NCKAP5: variants seen among roughly 807,000 people sequenced by gnomAD.
NCKAP5 encodes the protein NCK associated protein 5.
NCKAP5 carries 92 observed loss-of-function variants against 167.0 expected under a neutral mutation model. The ratio of observed to expected loss-of-function variants is 0.55; its 90% confidence interval spans 0.47 to 0.66. The LOEUF (loss-of-function observed/expected upper bound fraction) is 0.66, where lower values mean the gene tolerates loss of function less well. Among genes scored for constraint, NCKAP5 ranks in the 30% least tolerant of loss-of-function variants. The probability of loss-of-function intolerance (pLI) is 0.00; values close to 1 mark genes in which losing one functional copy is unlikely to be tolerated. For missense variants in NCKAP5, 2,378 were observed against 2,315.0 expected, an observed-to-expected ratio of 1.03 and a Z score of -0.56; for synonymous variants, 891 against 877.4, an observed-to-expected ratio of 1.02 and a Z score of -0.27.
intron 6 of NCKAP5, among the ~76,000 whole-genome samples, chr2:133,077,619 T>A (rs531267451): frequency 1.3e-5 from 2 of 152,310 alleles, no homozygotes; most frequent in African/African-American, 4.8e-5. Flanking sequence ...TTTCTCGTAA[T>A]GTAATTGTAT....
chr2:133,365,568 A>T (rs1255005592), intron 3 of NCKAP5, among the ~76,000 whole-genome samples: 7 of 152,066 alleles, frequency 4.6e-5, no homozygotes, highest in Non-Finnish European at 1.0e-4. Context: ...AAACATATTG[A>T]TTCTATATTA....
At chr2:132,895,673 A>G (rs1205733060) in intron 8 of NCKAP5, among the ~76,000 whole-genome samples, 2 of 152,116 alleles carry the variant, frequency 1.3e-5, no homozygotes, top group African/African-American at 2.4e-5. Flanking sequence ...TTAGCCCTCA[A>G]CAAACTTTAT....
intron 3 of NCKAP5, among the ~76,000 whole-genome samples, chr2:133,328,912 G>T (rs2150711421): frequency 6.6e-6 from 1 of 151,940 alleles, no homozygotes; most frequent in East Asian, 1.9e-4. Flanking sequence ...TTTGCCCTAG[G>T]GTGTCCATAA....
At chr2:132,921,795 C>T (rs564073432) in intron 8 of NCKAP5, among the ~76,000 whole-genome samples, 11 of 152,296 alleles carry the variant, frequency 7.2e-5, no homozygotes, top group African/African-American at 2.4e-4. Context: ...TTGGAGCTGA[C>T]TCCAATACAG....
the NCKAP5 span, among the ~76,000 whole-genome samples, chr2:133,624,273 AT>A: frequency 2.1e-3 from 321 of 151,444 alleles, 1 homozygote; most frequent in South Asian, 2.5e-3. Flanking sequence ...TATTGAAAAC[AT>A]TTTTTTTTAA....
chr2:133,192,077 G>C (rs2085250565), intron 5 of NCKAP5, among the ~76,000 whole-genome samples: 1 of 152,022 alleles, frequency 6.6e-6, no homozygotes, highest in African/African-American at 2.4e-5. Context: ...TCATGACTGT[G>C]TGTTATCAGT....
intron 8 of NCKAP5, among the ~76,000 whole-genome samples, chr2:132,895,346 C>CAAAAAA (rs563409400): frequency 4.2e-5 from 3 of 71,856 alleles, no homozygotes; most frequent in African/African-American, 3.8e-5. Context: ...GACTCTGTCT[C>CAAAAAA]AAAAAAAAAA....
At chr2:133,500,119 G>T (rs1340784394) in intron 3 of NCKAP5, among the ~76,000 whole-genome samples, 1 of 152,104 alleles carries the variant, frequency 6.6e-6, no homozygotes, top group Admixed American at 6.5e-5. Flanking sequence ...TTTTAAGAAC[G>T]TGGATGTCTG....
intron 16 of NCKAP5, among the ~76,000 whole-genome samples, chr2:132,770,828 T>C (rs1681979364): frequency 6.6e-6 from 1 of 152,192 alleles, no homozygotes; most frequent in African/African-American, 2.4e-5. Flanking sequence ...CCCTTAAGAT[T>C]ATAATGAAGC....
intron 3 of NCKAP5, among the ~76,000 whole-genome samples, chr2:133,325,665 A>G (rs1231112273): frequency 6.6e-6 from 1 of 152,156 alleles, no homozygotes; most frequent in African/African-American, 2.4e-5. Flanking sequence ...AGCTCTGTGC[A>G]CTCTATCTGC....
upstream of NCKAP5, among the ~76,000 whole-genome samples, chr2:133,570,225 G>A (rs1462022727): frequency 6.6e-6 from 1 of 152,096 alleles, no homozygotes; most frequent in Non-Finnish European, 1.5e-5. Flanking sequence ...TTACCCTCGG[G>A]AAAAAAGGTG....
chr2:133,396,977 G>A (rs1486712187), intron 3 of NCKAP5, among the ~76,000 whole-genome samples: 1 of 152,174 alleles, frequency 6.6e-6, no homozygotes, highest in African/African-American at 2.4e-5. Flanking sequence ...GCAGAATGGT[G>A]TGAAGACTAA....
At chr2:133,627,135 A>G in the NCKAP5 span, among the ~76,000 whole-genome samples, 1 of 152,078 alleles carries the variant, frequency 6.6e-6, no homozygotes, top group Admixed American at 6.5e-5. Flanking sequence ...TAAAAACAAA[A>G]AGCTAGGAAA....
At chr2:132,904,015 G>T (rs567309178) in intron 8 of NCKAP5, among the ~76,000 whole-genome samples, 1 of 152,100 alleles carries the variant, frequency 6.6e-6, no homozygotes. Flanking sequence ...ATGGCCCGGC[G>T]CGGTGGCTCA....
intron 6 of NCKAP5, among the ~76,000 whole-genome samples, chr2:133,071,921 G>A (rs1166753945): frequency 6.6e-6 from 1 of 152,260 alleles, no homozygotes; most frequent in East Asian, 1.9e-4. Flanking sequence ...CTCTGCCATA[G>A]TGTATTGAGT....
intron 5 of NCKAP5, among the ~76,000 whole-genome samples, chr2:133,137,923 CT>C (rs966071806): frequency 6.6e-6 from 1 of 152,350 alleles, no homozygotes; most frequent in African/African-American, 2.4e-5. Flanking sequence ...AGTCCTGCCC[CT>C]GTACCCTTTC....
At chr2:133,118,140 CTT>C (rs1285036507) in intron 6 of NCKAP5, 10 of 152,124 alleles carry the variant, frequency 6.6e-5, no homozygotes, top group Admixed American at 5.2e-4. Context: ...TTCTCCCTGT[CTT>C]ATAGCAAATA....
At chr2:133,330,402 T>G (rs528438232) in intron 3 of NCKAP5, among the ~76,000 whole-genome samples, 2 of 151,190 alleles carry the variant, frequency 1.3e-5, no homozygotes, top group East Asian at 3.9e-4. Context: ...TTTTTGTTTT[T>G]TTTTTTTCTT....
At chr2:132,780,374 T>C (rs962913188) in intron 15 of NCKAP5, among the ~76,000 whole-genome samples, 1 of 152,120 alleles carries the variant, frequency 6.6e-6, no homozygotes, top group African/African-American at 2.4e-5. Context: ...ATGGTCTCGA[T>C]CTCCTGACCT....
Sources: allele counts gnomAD v4.1 joint callset (sites outside exome capture counted in the v4.1 genomes callset), GRCh38; gene constraint gnomAD v4.1.1; transcripts MANE v1.5; gene names NCBI Gene and HGNC (gene_info 2026-07-23, HGNC 2026-07-21).